FBXO28: variants seen among roughly 807,000 people sequenced by gnomAD.
FBXO28 encodes F-box only protein 28.
A neutral mutation model predicts 38.1 loss-of-function variants in FBXO28; 8 were observed. The ratio of observed to expected loss-of-function variants is 0.21; its 90% CI spans 0.12 to 0.38. The LOEUF (loss-of-function observed/expected upper bound fraction) is 0.38. Ranked by LOEUF, FBXO28 falls within the 10% of genes least tolerant of loss-of-function variation. The probability of loss-of-function intolerance (pLI) is 1.00; values close to 1 mark genes in which losing one functional copy is unlikely to be tolerated. For missense variants in FBXO28, 345 were observed against 460.6 expected (o/e 0.75, Z 2.30); for synonymous variants, 168 against 173.8 (o/e 0.97, Z 0.26).
rs1356015948 is a variant in FBXO28 at position 224,136,586 on chromosome 1, G to A, written c.516+2374G>A. Among the ~76,000 whole-genome samples, 29 of 148,848 alleles carry A rather than the reference G, an allele frequency of 1.9e-4. 2 individuals carry two copies. Among genetic ancestry groups the A allele is most frequent in the African/African-American group, 7.5e-4 (29 of 38,736 alleles). ...AAAATACAAAAAAAAAAACTAGCTG[G>A]GCATGGTGGCGGGCGCCTATAGTCC... On this transcript the variant is annotated intron_variant, in intron 3 of 4. Coordinates refer to ENST00000366862, the MANE Select transcript of FBXO28 (RefSeq NM_015176.4).
intron 3 of FBXO28, among the ~76,000 whole-genome samples, chr1:224,150,839 G>T (rs1037975105): frequency 7.9e-5 from 12 of 151,940 alleles, no homozygotes; most frequent in Non-Finnish European, 1.3e-4. Flanking sequence ...TTTCCATGTG[G>T]CACTCCTTTA....
In FBXO28 at chr1:224,160,503, C is replaced by G. The variant is rs965604336; in HGVS notation, c.*2757C>G. 3 of 152,178 alleles carry G rather than the reference C, an allele frequency of 2.0e-5. No homozygotes were observed. The highest frequency in any genetic ancestry group is 7.2e-5 in the African/African-American group (3 of 41,438). The allele number at this position is 152,178 out of a possible 1,614,324, so 9.4% of individuals were successfully genotyped here. ...TGCCTAAGAGACAGAAACGGCTGAC[C>G]TTACCCCACCCCAGCCGGATCCTCT... On this transcript the variant is annotated 3_prime_UTR_variant, in exon 5 of 5. Transcript: ENST00000366862.
At position 224,154,977 on chromosome 1, in the gene FBXO28, C is replaced by CA. The variant is rs34053203; in HGVS notation, c.712+1655dup. On this transcript the variant is annotated intron_variant, in intron 4 of 4. Coordinates refer to ENST00000366862, the MANE Select transcript of FBXO28 (RefSeq NM_015176.4). ...TGGGCAACAGAGTGAGACTCCGTCTCAAAAAAAAAAAAAAATCATTAAGTT... is the reference window on the plus strand; with the variant it reads ...TGGGCAACAGAGTGAGACTCCGTCTCAAAAAAAAAAAAAAAATCATTAAGTT... Among the ~76,000 whole-genome samples the CA allele has an allele frequency of 4.5e-3, 557 of 124,284 alleles. 6 individuals are homozygous for CA. Among genetic ancestry groups the CA allele is most frequent in the African/African-American group, 0.016 (489 of 31,482 alleles). The allele number at this position is 124,284 out of a possible 152,430, so 81.5% of individuals were successfully genotyped here.
chr1:224,117,592 C>T (rs995716417), intron 1 of FBXO28, among the ~76,000 whole-genome samples: 4 of 152,072 alleles, frequency 2.6e-5, no homozygotes, highest in African/African-American at 9.7e-5. Context: ...AAAACATGTA[C>T]TTTGAGTTGT....
At chr1:224,114,694 C>T (rs1270696707) in intron 1 of FBXO28, among the ~76,000 whole-genome samples, 1 of 152,180 alleles carries the variant, frequency 6.6e-6, no homozygotes, top group African/African-American at 2.4e-5. Flanking sequence ...AGTTGGTCTT[C>T]CCACCTTCCG....
intron 3 of FBXO28, among the ~76,000 whole-genome samples, chr1:224,141,488 A>G (rs907871457): frequency 6.7e-6 from 1 of 149,670 alleles, no homozygotes; most frequent in African/African-American, 2.5e-5. Context: ...AAAAAAAAAG[A>G]TGCAATCATG....
intron 2 of FBXO28, among the ~76,000 whole-genome samples, chr1:224,132,478 A>T (rs189768696): frequency 2.0e-5 from 3 of 152,288 alleles, no homozygotes; most frequent in Non-Finnish European, 4.4e-5. Flanking sequence ...AATGTTGGGA[A>T]TGTAAAATGG....
intron 3 of FBXO28, among the ~76,000 whole-genome samples, chr1:224,147,139 C>T (rs1657528044): frequency 6.6e-6 from 1 of 151,696 alleles, no homozygotes; most frequent in Admixed American, 6.6e-5. Context: ...AGAAGAAAAA[C>T]AATTGCCGGA....
intron 1 of FBXO28, among the ~76,000 whole-genome samples, chr1:224,123,372 G>A (rs1435661844): frequency 1.3e-5 from 2 of 149,356 alleles, no homozygotes; most frequent in African/African-American, 4.9e-5. Context: ...GCCCCAGGGA[G>A]GTGGAAGCCT....
intron 1 of FBXO28, among the ~76,000 whole-genome samples, chr1:224,117,096 C>G (rs1441422890): frequency 1.3e-5 from 2 of 151,884 alleles, no homozygotes; most frequent in Non-Finnish European, 2.9e-5. Context: ...TTGCTTGAAC[C>G]TGGGAGGCAG....
intron 1 of FBXO28, among the ~76,000 whole-genome samples, chr1:224,123,698 C>T (rs974574793): frequency 6.6e-6 from 1 of 152,064 alleles, no homozygotes; most frequent in African/African-American, 2.4e-5. Context: ...AAAATGCCGC[C>T]AATTATAATG....
At chr1:224,114,991 A>G (rs1339816423) in intron 1 of FBXO28, among the ~76,000 whole-genome samples, 1 of 152,148 alleles carries the variant, frequency 6.6e-6, no homozygotes, top group Non-Finnish European at 1.5e-5. Flanking sequence ...CTAATTGACC[A>G]CTAAAGTAGA....
intron 1 of FBXO28, among the ~76,000 whole-genome samples, chr1:224,127,091 T>C (rs1309495643): frequency 6.6e-6 from 1 of 151,924 alleles, no homozygotes; most frequent in Non-Finnish European, 1.5e-5. Flanking sequence ...GGGCACTGGT[T>C]CTCAAAGTGT....
At position 224,158,793 on chromosome 1, in the gene FBXO28, G is replaced by C. The variant is rs1657829518; in HGVS notation, c.*1047G>C. On this transcript the variant is annotated 3_prime_UTR_variant, in exon 5 of 5. Transcript: ENST00000366862. ...TAGGGGACTCGACTTGCGGGATGCA[G>C]TTTTGCCATTGCAGCAAAGTTCATT... is the stretch of plus-strand genomic sequence containing the variant. 6.6e-6 allele frequency: 1 copy of C among 152,584 alleles called. No homozygotes were observed. The highest frequency in any genetic ancestry group is 2.1e-4 in the South Asian group (1 of 4,832). 9.5% of individuals were successfully genotyped at this position (152,584 alleles called of 1,614,324 possible).
chr1:224,144,372 G>A (rs1657446598), intron 3 of FBXO28, among the ~76,000 whole-genome samples: 1 of 151,816 alleles, frequency 6.6e-6, no homozygotes, highest in African/African-American at 2.4e-5. Context: ...GAAGTGAGAG[G>A]ATCGCTTTAG....
chr1:224,130,268 G>C (rs544045025), intron 1 of FBXO28, among the ~76,000 whole-genome samples: 2 of 152,002 alleles, frequency 1.3e-5, no homozygotes, highest in African/African-American at 4.8e-5. Context: ...CTTGAACCTG[G>C]GAGGCGGAGG....
chr1:224,118,409 G>C (rs1290014351), intron 1 of FBXO28, among the ~76,000 whole-genome samples: 2 of 152,040 alleles, frequency 1.3e-5, no homozygotes, highest in African/African-American at 4.8e-5. Context: ...TTTCCTCTGC[G>C]ATTCAACTGG....
intron 1 of FBXO28, among the ~76,000 whole-genome samples, chr1:224,123,070 T>C (rs114153521): frequency 0.011 from 1,515 of 133,178 alleles, 33 homozygotes; most frequent in African/African-American, 0.039. Flanking sequence ...AGGCCTCAGC[T>C]TTCTCACTTT....
chr1:224,128,979 C>T (rs866474625), intron 1 of FBXO28, among the ~76,000 whole-genome samples: 16 of 85,058 alleles, frequency 1.9e-4, no homozygotes, highest in Admixed American at 6.1e-4. Flanking sequence ...GAGCAAGACC[C>T]TGTCAAAAAA....
Sources: allele counts gnomAD v4.1 joint callset (sites outside exome capture counted in the v4.1 genomes callset), GRCh38; gene constraint gnomAD v4.1.1; transcripts MANE v1.5; gene names NCBI Gene and HGNC (gene_info 2026-07-23, HGNC 2026-07-21).